The following USP40 variants were observed in gnomAD, a reference collection of about 807,000 sequenced individuals.
USP40 encodes the protein ubiquitin carboxyl-terminal hydrolase 40.
Under a neutral mutation model 166.2 loss-of-function variants are expected in USP40, and 143 were observed. The ratio of observed to expected loss-of-function variants is 0.86; its 90% CI spans 0.75 to 0.99. The LOEUF (loss-of-function observed/expected upper bound fraction) is 0.99. USP40 is among the 50% of genes least tolerant of loss of function. The pLI is 0.00. For missense variants in USP40, 1,444 were observed against 1,479.7 expected, an observed-to-expected ratio of 0.98 and a Z score of 0.40; for synonymous variants, 498 against 524.0, an observed-to-expected ratio of 0.95 and a Z score of 0.68.
Position 233,538,491 on chromosome 2 carries a change from A to C in USP40, c.1170+2171T>G, listed in dbSNP as rs548800029. Reference sequence around the variant, plus strand: ...TTATCAATATCAGAAATGAAAAAGGAATCATAAGTTCATATTCTACAGTCA... The same window carrying C: ...TTATCAATATCAGAAATGAAAAAGGCATCATAAGTTCATATTCTACAGTCA... On this transcript the variant is annotated intron_variant, in intron 10 of 31. Coordinates refer to ENST00000678225, the MANE Select transcript of USP40 (RefSeq NM_001365479.2). 3.3e-5 allele frequency among the ~76,000 whole-genome samples: 5 copies of C among 152,342 alleles called. No individual in the cohort carries two copies. The East Asian group carries it at 9.6e-4, about 29-fold the overall frequency.
In USP40 at chr2:233,552,587, C is replaced by T. The variant is rs138128446; in HGVS notation, c.694-1068G>A. 6.4e-3 allele frequency among the ~76,000 whole-genome samples: 976 copies of T among 152,230 alleles called. 3 individuals are homozygous for T. Among genetic ancestry groups the T allele is most frequent in the African/African-American group, 0.022 (923 of 41,544 alleles). ...AAAAGCTGAATGTGTAGGTATCTTTCCAACACTGTTCCAAACTCTGAAGTT... is the reference window on the plus strand; with the variant it reads ...AAAAGCTGAATGTGTAGGTATCTTTTCAACACTGTTCCAAACTCTGAAGTT... On this transcript the variant is annotated intron_variant, in intron 6 of 31. Coordinates refer to ENST00000678225, the MANE Select transcript of USP40 (RefSeq NM_001365479.2).
intron 23 of USP40, among the ~76,000 whole-genome samples, chr2:233,498,124 A>G (rs932348844): frequency 6.6e-6 from 1 of 152,228 alleles, no homozygotes; most frequent in Non-Finnish European, 1.5e-5. Flanking sequence ...CTGGATCGAG[A>G]GTTTGGACCA....
intron 21 of USP40, among the ~76,000 whole-genome samples, chr2:233,500,432 T>G (rs2066001201): frequency 6.6e-6 from 1 of 152,150 alleles, no homozygotes; most frequent in African/African-American, 2.4e-5. Context: ...GAGACAATAT[T>G]AACAAAAGTT....
chr2:233,511,827 G>T, intron 19 of USP40, 30 bp from the exon 20 acceptor site: 4 of 1,504,058 alleles, frequency 2.7e-6, no homozygotes, highest in Non-Finnish European at 9.1e-7. Context: ...TATGATGAAG[G>T]TTATTAATTC....
intron 10 of USP40, 122 bp from the exon 11 acceptor site, chr2:233,533,901 GGC>G (rs1430884091): frequency 2.0e-6 from 2 of 1,021,502 alleles, no homozygotes; most frequent in Non-Finnish European, 1.4e-6. Flanking sequence ...TTTCTGACCT[GGC>G]CAGCTACGGG....
At chr2:233,499,974 C>T in intron 21 of USP40, 59 bp from the exon 22 acceptor site, 1 of 1,509,990 alleles carries the variant, frequency 6.6e-7, no homozygotes, top group South Asian at 1.2e-5. Flanking sequence ...AGTTCTAGGA[C>T]AAACACCCTT....
chr2:233,547,100 G>T (rs1261890921), intron 8 of USP40: 1 of 152,056 alleles, frequency 6.6e-6, no homozygotes, highest in Admixed American at 6.6e-5. Flanking sequence ...CAAAGGATTT[G>T]GACAGGTAAA....
At chr2:233,542,677 C>CA (rs35086519) in intron 8 of USP40, 912 of 151,468 alleles carry the variant, frequency 6.0e-3, no homozygotes, top group East Asian at 0.013. Flanking sequence ...AAGACGTTGT[C>CA]AAAAAAAAAA....
At chr2:233,547,814 G>A (rs1376569844) in intron 8 of USP40, among the ~76,000 whole-genome samples, 1 of 152,180 alleles carries the variant, frequency 6.6e-6, no homozygotes, top group African/African-American at 2.4e-5. Flanking sequence ...CTGAGTATGT[G>A]TGTGTATATG....
intron 23 of USP40, among the ~76,000 whole-genome samples, 161 bp from the exon 24 acceptor site, chr2:233,496,993 A>C (rs941994424): frequency 1.3e-5 from 2 of 152,240 alleles, no homozygotes; most frequent in Non-Finnish European, 2.9e-5. Context: ...TAAAATCAGT[A>C]CAGCATTATT....
intron 30 of USP40, among the ~76,000 whole-genome samples, chr2:233,484,399 T>C (rs139773667): frequency 6.6e-6 from 1 of 152,276 alleles, no homozygotes; most frequent in African/African-American, 2.4e-5. Flanking sequence ...CTCCAGAAGG[T>C]TTTATACTGA....
intron 17 of USP40, among the ~76,000 whole-genome samples, chr2:233,519,913 CAGAAAACTACAGAAACTGT>C (rs1292826994): frequency 2.6e-5 from 4 of 152,068 alleles, no homozygotes; most frequent in African/African-American, 7.2e-5. Flanking sequence ...AGGACACCTA[CAGAAAACTACAGAAACTGT>C]AGAAAACTAC....
chr2:233,494,088 T>C (rs1316398325), intron 24 of USP40, among the ~76,000 whole-genome samples: 2 of 152,246 alleles, frequency 1.3e-5, no homozygotes, highest in Non-Finnish European at 2.9e-5. Flanking sequence ...AAAGGTGCTA[T>C]TGTTGCAGCA....
intron 20 of USP40, among the ~76,000 whole-genome samples, chr2:233,511,476 A>G (rs1559239011): frequency 6.6e-6 from 1 of 152,220 alleles, no homozygotes; most frequent in Non-Finnish European, 1.5e-5. Context: ...ACTCAGCATC[A>G]AAGATTCCTT....
intron 5 of USP40, 24 bp from the exon 6 acceptor site, chr2:233,554,550 T>C (rs371089198): frequency 2.5e-6 from 4 of 1,573,992 alleles, no homozygotes; most frequent in African/African-American, 2.7e-5. Context: ...GAATATAATA[T>C]TGAAAAACAA....
At chr2:233,539,855 T>C (rs1367840213) in intron 10 of USP40, among the ~76,000 whole-genome samples, 1 of 151,988 alleles carries the variant, frequency 6.6e-6, no homozygotes, top group African/African-American at 2.4e-5. Flanking sequence ...TCAAATTATA[T>C]CTAAGGCAAA....
intron 8 of USP40, 144 bp downstream of exon 8, chr2:233,548,957 C>A: frequency 2.8e-6 from 2 of 714,194 alleles, no homozygotes; most frequent in East Asian, 3.0e-5. Context: ...AAATTTAAAA[C>A]TTGTATCTGT....
chr2:233,528,516 G>C (rs2068232331), intron 12 of USP40, among the ~76,000 whole-genome samples: 1 of 152,148 alleles, frequency 6.6e-6, no homozygotes, highest in Non-Finnish European at 1.5e-5. Context: ...CCACACGAAA[G>C]ACCTTAGTGC....
chr2:233,524,941 A>G (rs1302709276), intron 14 of USP40, among the ~76,000 whole-genome samples: 1 of 152,228 alleles, frequency 6.6e-6, no homozygotes, highest in Non-Finnish European at 1.5e-5. Context: ...TGGAGATAAA[A>G]GAATTTTATG....
Sources: allele counts gnomAD v4.1 joint callset (sites outside exome capture counted in the v4.1 genomes callset), GRCh38; gene constraint gnomAD v4.1.1; transcripts MANE v1.5; gene names NCBI Gene and HGNC (gene_info 2026-07-23, HGNC 2026-07-21).